The following TTC6 variants were observed in gnomAD, a reference collection of about 807,000 sequenced individuals.
TTC6 encodes tetratricopeptide repeat protein 6.
TTC6 carries 172 observed loss-of-function variants against 210.4 expected under a neutral mutation model. The ratio of observed to expected loss-of-function variants is 0.82; its 90% CI spans 0.72 to 0.93. TTC6 has a LOEUF of 0.93. Ranked by LOEUF, TTC6 falls within the 40% of genes least tolerant of loss-of-function variation. The pLI is 0.00. For missense variants in TTC6, 2,414 were observed against 2,318.1 expected, an observed-to-expected ratio of 1.04 and a Z score of -0.85; for synonymous variants, 804 against 819.6, an observed-to-expected ratio of 0.98 and a Z score of 0.32.
At chr14:37,648,555 A>G (rs113439839) in intron 1 of TTC6, among the ~76,000 whole-genome samples, 1,562 of 152,136 alleles carry the variant, frequency 0.01, 12 homozygotes, top group Middle Eastern at 0.045. Context: ...TCAAGATTGT[A>G]CTATCTATCC....
At chr14:37,675,447 T>C (rs2095767030) in intron 1 of TTC6, among the ~76,000 whole-genome samples, 1 of 152,188 alleles carries the variant, frequency 6.6e-6, no homozygotes, top group South Asian at 2.1e-4. Context: ...TGTATGGATA[T>C]ACCAAATTTT....
chr14:37,698,020 T>G (rs139016422), intron 4 of TTC6, among the ~76,000 whole-genome samples: 17 of 152,022 alleles, frequency 1.1e-4, no homozygotes, highest in Admixed American at 2.0e-4. Context: ...CCAAAAATAT[T>G]TGTAGATCTT....
At chr14:37,841,455 A>T (rs1389936429) in exon 30 of TTC6, 1 of 1,587,834 alleles carries the variant, frequency 6.3e-7, no homozygotes. Context: ...GCCAGTGACT[A>T]CTTCTCAAAA....
chr14:37,752,694 A>G (rs1310620478), intron 13 of TTC6, among the ~76,000 whole-genome samples: 1 of 152,134 alleles, frequency 6.6e-6, no homozygotes, highest in Non-Finnish European at 1.5e-5. Context: ...CCCCATTTTA[A>G]TGGCTAGATT....
At chr14:37,652,907 C>G (rs945295361) in intron 1 of TTC6, among the ~76,000 whole-genome samples, 1 of 152,202 alleles carries the variant, frequency 6.6e-6, no homozygotes, top group African/African-American at 2.4e-5. Context: ...GGTAACATTT[C>G]CTTTGTCAAG....
intron 7 of TTC6, among the ~76,000 whole-genome samples, chr14:37,726,648 A>G (rs541048601): frequency 3.3e-5 from 5 of 152,122 alleles, no homozygotes; most frequent in Non-Finnish European, 7.4e-5. Flanking sequence ...CATTTTTAAT[A>G]TTCTGAAATT....
At chr14:37,640,485 A>AT (rs34982966) in intron 1 of TTC6, among the ~76,000 whole-genome samples, 2 of 152,018 alleles carry the variant, frequency 1.3e-5, no homozygotes, top group Non-Finnish European at 2.9e-5. Flanking sequence ...TCCTCCACGA[A>AT]TTTTTTTTAA....
chr14:37,597,477 G>A (rs552234913), intron 1 of TTC6, among the ~76,000 whole-genome samples: 1 of 151,992 alleles, frequency 6.6e-6, no homozygotes, highest in African/African-American at 2.4e-5. Flanking sequence ...CACCTTAAAG[G>A]GGGGGTCAAT....
At chr14:37,620,171 G>A (rs948165678), upstream of TTC6, among the ~76,000 whole-genome samples, 2 of 152,022 alleles carry the variant, frequency 1.3e-5, no homozygotes, top group African/African-American at 4.8e-5. Context: ...TTATGTTTTT[G>A]ATAGGACCAT....
chr14:37,761,442 G>A (rs548573072), intron 14 of TTC6, among the ~76,000 whole-genome samples: 7 of 151,930 alleles, frequency 4.6e-5, no homozygotes, highest in Non-Finnish European at 7.4e-5. Flanking sequence ...CTTCCTATGC[G>A]GCCATCTTGG....
intron 3 of TTC6, among the ~76,000 whole-genome samples, chr14:37,690,384 A>G (rs1225704004): frequency 1.3e-5 from 2 of 151,862 alleles, no homozygotes; most frequent in African/African-American, 2.4e-5. Flanking sequence ...CATCAGTCAT[A>G]ACATTGAATG....
At chr14:37,822,875 G>A (rs1958688) in intron 26 of TTC6, among the ~76,000 whole-genome samples, 137,791 of 152,186 alleles carry the variant, frequency 0.91, 62,613 homozygotes, top group Middle Eastern at 0.95. Flanking sequence ...TTCCTTTCAT[G>A]TGTAAAATGT....
chr14:37,656,637 T>G (rs574310391), intron 1 of TTC6, among the ~76,000 whole-genome samples: 2 of 152,072 alleles, frequency 1.3e-5, no homozygotes, highest in South Asian at 4.2e-4. Flanking sequence ...GTTAGAAGTC[T>G]GGGTTATAAT....
At chr14:37,704,819 T>C (rs1008141742) in intron 5 of TTC6, among the ~76,000 whole-genome samples, 2 of 152,142 alleles carry the variant, frequency 1.3e-5, no homozygotes, top group Non-Finnish European at 2.9e-5. Context: ...TTTCTTCTAG[T>C]AACTTTGTGG....
intron 14 of TTC6, among the ~76,000 whole-genome samples, chr14:37,775,742 G>T (rs561208399): frequency 6.6e-6 from 1 of 152,080 alleles, no homozygotes; most frequent in African/African-American, 2.4e-5. Context: ...CTATTATCTT[G>T]TGGTTATCTA....
chr14:37,805,320 A>G (rs982867576), intron 21 of TTC6, among the ~76,000 whole-genome samples: 5 of 152,168 alleles, frequency 3.3e-5, no homozygotes, highest in South Asian at 4.2e-4. Flanking sequence ...ATTTTAGGCA[A>G]TTCTTTACTT....
At chr14:37,600,085 G>A (rs1012033042) in intron 1 of TTC6, among the ~76,000 whole-genome samples, 1 of 152,190 alleles carries the variant, frequency 6.6e-6, no homozygotes, top group African/African-American at 2.4e-5. Flanking sequence ...CTAGGGGAGG[G>A]ACTGGCAATG....
intron 16 of TTC6, 32 bp downstream of exon 18, chr14:37,790,869 A>C (rs1310759952): frequency 6.7e-7 from 1 of 1,500,896 alleles, no homozygotes; most frequent in Non-Finnish European, 8.8e-7. Context: ...TATTGATTTC[A>C]GTTTTGTAAA....
rs181159628 is a variant in TTC6, at chr14:37,806,831, T to C, written c.4314+321T>C. Reference sequence around the variant, plus strand: ...TGATGTTACATAGATTCCTGCCTTTTAATAGACTATACAGGCAACACAAAA... The same window carrying C: ...TGATGTTACATAGATTCCTGCCTTTCAATAGACTATACAGGCAACACAAAA... On this transcript the variant is annotated intron_variant, in intron 22 of 30. Coordinates refer to ENST00000553443, the Ensembl canonical transcript of TTC6. Among the ~76,000 whole-genome samples the C allele has an allele frequency of 9.2e-5, 14 of 152,328 alleles. No homozygotes were observed. The East Asian group carries it at 2.7e-3, about 29-fold the overall frequency.
Sources: gnomAD v4.1 joint callset for allele counts (sites outside exome capture counted in the v4.1 genomes callset) on GRCh38, gnomAD v4.1.1 for gene constraint, MANE v1.5 for transcripts, NCBI Gene and HGNC (gene_info 2026-07-23, HGNC 2026-07-21) for gene names.